The following UGT1A5 variants were observed in gnomAD, a reference collection of about 807,000 sequenced individuals.
UGT1A5 encodes UDP-glucuronosyltransferase 1A5.
A neutral mutation model predicts 40.3 loss-of-function variants in UGT1A5; 29 were observed. That is an observed-to-expected ratio of 0.72 (90% CI 0.54 to 0.98). The LOEUF (loss-of-function observed/expected upper bound fraction) is 0.98. Ranked by LOEUF, UGT1A5 falls within the 50% of genes least tolerant of loss-of-function variation. UGT1A5 has a pLI of 0.00. For synonymous variants in UGT1A5, 257 were observed against 262.5 expected (o/e 0.98, Z 0.20); for missense variants, 678 against 677.9 (o/e 1.00, Z 0.00).
At chr2:233,743,665 C>A (rs1373066127) in intron 1 of UGT1A5, 1 of 1,367,124 alleles carries the variant, frequency 7.3e-7, no homozygotes, top group Non-Finnish European at 9.8e-7. Flanking sequence ...CGAAGGGGTC[C>A]TCGAAGGGCC....
chr2:233,747,273 C>T, intron 1 of UGT1A5: 4 of 1,598,968 alleles, frequency 2.5e-6, no homozygotes, highest in Non-Finnish European at 3.4e-6. Context: ...TACTCCTTCT[C>T]AGTGCCCAGC....
At chr2:233,753,341 CCTG>C (rs138147580) in intron 1 of UGT1A5, 5,646 of 152,328 alleles carry the variant, frequency 0.037, 136 homozygotes, top group Non-Finnish European at 0.057. Context: ...CTGCCATTTT[CCTG>C]CTGTTTATTA....
intron 1 of UGT1A5, chr2:233,760,357 G>A (rs1697415689): frequency 6.2e-7 from 1 of 1,613,982 alleles, no homozygotes; most frequent in African/African-American, 1.3e-5. Flanking sequence ...GGGCCCAGTG[G>A]TGTCCCATGC....
chr2:233,768,154 C>G, intron 3 of UGT1A5, 66 bp from the exon 4 acceptor site: 1 of 1,612,760 alleles, frequency 6.2e-7, no homozygotes, highest in Non-Finnish European at 8.5e-7. Context: ...TTTTCAGAAC[C>G]TAGATGTGTC....
chr2:233,718,363 A>G (rs2076649552), intron 1 of UGT1A5, among the ~76,000 whole-genome samples: 1 of 152,246 alleles, frequency 6.6e-6, no homozygotes, highest in Non-Finnish European at 1.5e-5. Flanking sequence ...TGTGTTATTC[A>G]CATATGAGAA....
At chr2:233,758,025 T>G (rs1696779079) in intron 1 of UGT1A5, among the ~76,000 whole-genome samples, 1 of 152,184 alleles carries the variant, frequency 6.6e-6, no homozygotes, top group Non-Finnish European at 1.5e-5. Context: ...TCTGTCTACC[T>G]GACCCCTCCT....
intron 1 of UGT1A5, among the ~76,000 whole-genome samples, chr2:233,757,535 A>AATATATATACATATATATATATATATAT (rs376887521): frequency 7.9e-5 from 7 of 88,294 alleles, no homozygotes; most frequent in Non-Finnish European, 1.1e-4. Context: ...GCCTGTAAGG[A>AATATATATACATATATATATATATATAT]ATATATATAT....
At position 233,713,501 on chromosome 2, in the gene UGT1A5, G is replaced by A. The variant is rs771192795; in HGVS notation, c.510G>A (p.Val170=). 5 of 1,613,952 alleles carry A rather than the reference G, an allele frequency of 3.1e-6. No individual in the cohort carries two copies. Among genetic ancestry groups the A allele is most frequent in the Admixed American group, 1.7e-5 (1 of 60,020 alleles). ...CTAAGTACCTGTCGATTCCTGCTGTGTTTTTCTTGAGGAACATTCCATGTG... is the reference window on the plus strand; with the variant it reads ...CTAAGTACCTGTCGATTCCTGCTGTATTTTTCTTGAGGAACATTCCATGTG... ...VLAKYLSIPA[V]FFLRNIPCDL... The change falls in exon 1 of 5, where the codon GTG becomes GTA. Residue 170 remains valine, a synonymous_variant. Coordinates refer to ENST00000373414, the MANE Select transcript of UGT1A5 (RefSeq NM_019078.2).
Position 233,728,224 on chromosome 2 carries a change from T to A in UGT1A5, c.867+14366T>A, listed in dbSNP as rs556375037. Among the ~76,000 whole-genome samples, 261 of 152,314 alleles carry A rather than the reference T, an allele frequency of 1.7e-3. 4 individuals are homozygous for A. The highest frequency in any genetic ancestry group is 5.7e-4 in the Non-Finnish European group (39 of 68,034). On this transcript the variant is annotated intron_variant, in intron 1 of 4. Coordinates refer to ENST00000373414, the MANE Select transcript of UGT1A5 (RefSeq NM_019078.2). ...GACTTGGAGAAGAGCCTGACCATAA[T>A]CTTCAGGATGAAATAAAGGCCTGGA...
chr2:233,738,671 G>A (rs6722076), intron 1 of UGT1A5, among the ~76,000 whole-genome samples: 41,235 of 152,112 alleles, frequency 0.27, 5,866 homozygotes, highest in South Asian at 0.39. Context: ...TGAGAGAGAT[G>A]ATCTGAAATT....
At chr2:233,729,752 A>G in intron 1 of UGT1A5, 1 of 1,614,000 alleles carries the variant, frequency 6.2e-7, no homozygotes, top group African/African-American at 1.3e-5. Context: ...ACATTCATGC[A>G]AAGGGTCAAG....
chr2:233,728,863 G>A (rs1165888230), intron 1 of UGT1A5, among the ~76,000 whole-genome samples: 1 of 152,190 alleles, frequency 6.6e-6, no homozygotes, highest in Middle Eastern at 3.2e-3. Context: ...AGAAACAAGA[G>A]CTTGAACTTG....
intron 1 of UGT1A5, chr2:233,752,561 A>G (rs1440235236): frequency 6.6e-6 from 1 of 152,232 alleles, no homozygotes; most frequent in Non-Finnish European, 1.5e-5. Context: ...GGGACAACAT[A>G]GTGGGTCAAC....
At position 233,767,071 on chromosome 2, in the gene UGT1A5, G is replaced by A. The variant is rs1451220464; in HGVS notation, c.905G>A (p.Gly302Glu). The A allele has an allele frequency of 2.3e-5, 37 of 1,614,098 alleles. No individual in the cohort carries two copies. The highest frequency in any genetic ancestry group is 3.1e-5 in the Non-Finnish European group (37 of 1,180,012). ...EAYINASGEHGIVVFSLGSMV... is the reference protein window; with the variant it reads ...EAYINASGEHEIVVFSLGSMV... Reference sequence around the variant, plus strand: ...TACATTAATGCTTCTGGAGAACATGGAATTGTGGTTTTCTCTTTGGGATCA... The same window carrying A: ...TACATTAATGCTTCTGGAGAACATGAAATTGTGGTTTTCTCTTTGGGATCA... The change falls in exon 2 of 5, where the codon GGA becomes GAA. Residue 302 changes from glycine to glutamate, a missense_variant. Transcript: ENST00000373414.
At chr2:233,734,436 C>G (rs1368482825) in intron 1 of UGT1A5, among the ~76,000 whole-genome samples, 2 of 151,658 alleles carry the variant, frequency 1.3e-5, no homozygotes, top group Admixed American at 1.3e-4. Context: ...TTAGTCTTGC[C>G]AGAGGTCTAT....
Position 233,713,853 on chromosome 2 carries a change from T to C in UGT1A5, c.862T>C (p.Ser288Pro). The change falls in exon 1 of 5, where the codon TCT becomes CCT. Residue 288 changes from serine (S) to proline (P), a missense_variant. Coordinates refer to ENST00000373414, the MANE Select transcript of UGT1A5 (RefSeq NM_019078.2). The part of the protein sequence containing the change: ...GINCANGKPL[S>P]QEFEAYINAS... ...CAACTGTGCCAACGGGAAGCCACTA[T>C]CTCAGGTCTGTATTGGTGCCTTTAT... is the stretch of plus-strand genomic sequence containing the variant. 1 of 1,613,998 alleles carries C rather than the reference T, an allele frequency of 6.2e-7. No homozygotes were observed.
intron 1 of UGT1A5, among the ~76,000 whole-genome samples, chr2:233,721,053 C>T (rs2076919169): frequency 6.6e-6 from 1 of 152,004 alleles, no homozygotes; most frequent in Admixed American, 6.6e-5. Flanking sequence ...CCTTTTTTGT[C>T]ATATTCACTG....
intron 1 of UGT1A5, among the ~76,000 whole-genome samples, chr2:233,764,543 G>A (rs1413559282): frequency 2.6e-5 from 4 of 152,222 alleles, no homozygotes; most frequent in South Asian, 2.1e-4. Context: ...CTGAGTGGGC[G>A]TGTGGGAGGG....
Position 233,769,806 on chromosome 2 carries a change from G to T in UGT1A5, c.1307+1367G>T. The T allele has an allele frequency of 9.4e-7, 1 of 1,067,140 alleles. No homozygotes were observed. The highest frequency in any genetic ancestry group is 1.3e-6 in the Non-Finnish European group (1 of 792,912). The allele number at this position is 1,067,140 out of a possible 1,614,324, so 66.1% of individuals were successfully genotyped here. On this transcript the variant is annotated intron_variant, in intron 4 of 4. Transcript: ENST00000373414. The surrounding 1 kb of genome is among the most constrained non-coding windows in gnomAD (Gnocchi z 4.4). ...GAAGTTGGAGGCTGCTATGAGCCGT[G>T]ATCATGCCACTGCACTCCAGCAACC...
Sources: gnomAD v4.1 joint callset for allele counts (sites outside exome capture counted in the v4.1 genomes callset) on GRCh38, gnomAD v4.1.1 for gene constraint, Gnocchi (gnomAD v3.1) non-coding constraint, MANE v1.5 for transcripts, NCBI Gene and HGNC (gene_info 2026-07-23, HGNC 2026-07-21) for gene names.